Variants in NELL1 observed in about 807,000 individuals in gnomAD.
The protein encoded by NELL1 is protein kinase C-binding protein NELL1.
NELL1 carries 76 observed loss-of-function variants against 107.4 expected under a neutral mutation model. The ratio of observed to expected loss-of-function variants is 0.71; its 90% CI spans 0.59 to 0.86. The LOEUF (loss-of-function observed/expected upper bound fraction) is 0.86, where lower values mean the gene tolerates loss of function less well. Among genes scored for constraint, NELL1 ranks in the 40% least tolerant of loss-of-function variants. The probability of loss-of-function intolerance (pLI) is 0.00; values close to 1 mark genes in which losing one functional copy is unlikely to be tolerated. For synonymous variants in NELL1, 353 were observed against 341.2 expected, an observed-to-expected ratio of 1.03 and a Z score of -0.38; for missense variants, 1,024 against 1,005.5, an observed-to-expected ratio of 1.02 and a Z score of -0.25.
chr11:20,849,369 T>C (rs940218915), intron 4 of NELL1, among the ~76,000 whole-genome samples: 2 of 152,194 alleles, frequency 1.3e-5, no homozygotes, highest in Non-Finnish European at 2.9e-5. Context: ...GTGCTTGGCC[T>C]TCAGTGCTCA....
chr11:21,421,676 T>A (rs188188991), intron 15 of NELL1, among the ~76,000 whole-genome samples: 2 of 152,048 alleles, frequency 1.3e-5, no homozygotes, highest in South Asian at 2.1e-4. Context: ...AGCTTTCACA[T>A]TGTGGGAGTC....
intron 2 of NELL1, among the ~76,000 whole-genome samples, chr11:20,726,192 C>T (rs1474009029): frequency 1.3e-5 from 2 of 152,146 alleles, no homozygotes; most frequent in African/African-American, 4.8e-5. Flanking sequence ...TTGGGAATAG[C>T]ACTGTGATGA....
At chr11:20,781,133 G>T (rs1301700464) in intron 2 of NELL1, among the ~76,000 whole-genome samples, 1 of 152,196 alleles carries the variant, frequency 6.6e-6, no homozygotes, top group Non-Finnish European at 1.5e-5. Context: ...TTGGGCAAGA[G>T]TTTTAAGAGT....
chr11:20,766,897 C>T (rs1219556530), intron 2 of NELL1, among the ~76,000 whole-genome samples: 1 of 152,142 alleles, frequency 6.6e-6, no homozygotes, highest in Non-Finnish European at 1.5e-5. Context: ...CGTGCACCAC[C>T]ACGCCCAGTT....
intron 5 of NELL1, among the ~76,000 whole-genome samples, chr11:20,915,503 A>G (rs1183871895): frequency 1.4e-5 from 2 of 146,838 alleles, no homozygotes; most frequent in South Asian, 2.2e-4. Context: ...GAAATAAAGC[A>G]TATGTCTGAA....
chr11:21,118,260 G>A (rs1419751323), intron 13 of NELL1, among the ~76,000 whole-genome samples: 1 of 152,038 alleles, frequency 6.6e-6, no homozygotes, highest in Admixed American at 6.6e-5. Context: ...ATGCTAGCAT[G>A]CAATGACTAT....
At chr11:21,130,350 A>T (rs1197574582) in intron 13 of NELL1, among the ~76,000 whole-genome samples, 2 of 152,078 alleles carry the variant, frequency 1.3e-5, no homozygotes, top group Non-Finnish European at 2.9e-5. Context: ...TGGCTATGGG[A>T]TCTAATAAGG....
intron 14 of NELL1, among the ~76,000 whole-genome samples, chr11:21,334,429 G>T (rs1226774699): frequency 6.6e-6 from 1 of 151,780 alleles, no homozygotes; most frequent in Non-Finnish European, 1.5e-5. Context: ...CAGGCCACAG[G>T]CTACAGTTTG....
At chr11:21,151,788 A>G (rs1434201732) in intron 13 of NELL1, among the ~76,000 whole-genome samples, 1 of 152,242 alleles carries the variant, frequency 6.6e-6, no homozygotes. Flanking sequence ...TAGAATTACC[A>G]TTACTATTAC....
chr11:21,204,233 CT>C (rs1376529705), intron 13 of NELL1, among the ~76,000 whole-genome samples: 1 of 152,148 alleles, frequency 6.6e-6, no homozygotes, highest in Non-Finnish European at 1.5e-5. Flanking sequence ...TCCCCTGTCA[CT>C]TTCAGGTACA....
intron 5 of NELL1, among the ~76,000 whole-genome samples, chr11:20,887,837 A>G (rs1445252520): frequency 6.6e-6 from 1 of 152,210 alleles, no homozygotes; most frequent in East Asian, 1.9e-4. Flanking sequence ...GTAGACCTCA[A>G]AGGATGCCCA....
chr11:21,130,452 T>G (rs10741867), intron 13 of NELL1, among the ~76,000 whole-genome samples: 47 of 152,008 alleles, frequency 3.1e-4, no homozygotes, highest in Admixed American at 1.0e-3. Context: ...GAGTTTTGGG[T>G]GGGGCACTTC....
chr11:21,242,320 A>C (rs1236084659), intron 14 of NELL1, among the ~76,000 whole-genome samples: 1 of 151,984 alleles, frequency 6.6e-6, no homozygotes, highest in Non-Finnish European at 1.5e-5. Context: ...AATCCTTACC[A>C]CTCCGTCAGA....
chr11:21,024,155 C>T (rs1852761880), intron 12 of NELL1, among the ~76,000 whole-genome samples: 1 of 152,092 alleles, frequency 6.6e-6, no homozygotes, highest in African/African-American at 2.4e-5. Context: ...AACACCAGGT[C>T]ATTCAGAAAT....
intron 15 of NELL1, among the ~76,000 whole-genome samples, chr11:21,381,252 T>C (rs985497732): frequency 5.9e-5 from 9 of 152,000 alleles, no homozygotes; most frequent in Non-Finnish European, 1.0e-4. Flanking sequence ...GTTTTACATA[T>C]TCCTTTCAAC....
Position 21,075,917 on chromosome 11 carries a change from C to T in NELL1, c.1301-37672C>T, listed in dbSNP as rs569099116. Among the ~76,000 whole-genome samples the T allele has an allele frequency of 5.3e-5, 8 of 152,272 alleles. No individual in the cohort carries two copies. The South Asian group carries it at 1.5e-3, about 28-fold the overall frequency. Reference sequence around the variant, plus strand: ...TCAGGAGATAAACCTGGTCTTAGAACAGTAGGAATAATTGTTGGAATCTAT... The same window carrying T: ...TCAGGAGATAAACCTGGTCTTAGAATAGTAGGAATAATTGTTGGAATCTAT... On this transcript the variant is annotated intron_variant, in intron 12 of 19. Transcript: ENST00000357134.
intron 14 of NELL1, among the ~76,000 whole-genome samples, chr11:21,286,407 G>T (rs1463314621): frequency 6.6e-6 from 1 of 152,186 alleles, no homozygotes; most frequent in Non-Finnish European, 1.5e-5. Context: ...CCTCTGGGCT[G>T]ATCTAGACGT....
intron 12 of NELL1, among the ~76,000 whole-genome samples, chr11:21,007,507 C>A (rs1169908094): frequency 2.0e-5 from 3 of 152,126 alleles, no homozygotes; most frequent in African/African-American, 7.2e-5. Flanking sequence ...GCAGGAACTG[C>A]TGAAACCCTT....
chr11:21,340,419 T>C (rs1438955023), intron 14 of NELL1, among the ~76,000 whole-genome samples: 1 of 152,336 alleles, frequency 6.6e-6, no homozygotes, highest in East Asian at 1.9e-4. Flanking sequence ...CCCAAAGTGC[T>C]GGGATTACAG....
Sources: gnomAD v4.1 joint callset for allele counts (sites outside exome capture counted in the v4.1 genomes callset) on GRCh38, gnomAD v4.1.1 for gene constraint, MANE v1.5 for transcripts, NCBI Gene and HGNC (gene_info 2026-07-23, HGNC 2026-07-21) for gene names.